OLA1: variants seen among roughly 807,000 people sequenced by gnomAD.
OLA1 encodes Obg like ATPase 1, also known as obg-like ATPase 1.
Under a neutral mutation model 48.4 loss-of-function variants are expected in OLA1, and 14 were observed. The ratio of observed to expected loss-of-function variants is 0.29; its 90% CI spans 0.19 to 0.45. OLA1 has a LOEUF of 0.45. Among genes scored for constraint, OLA1 ranks in the 20% least tolerant of loss-of-function variants. The probability of loss-of-function intolerance (pLI) is 1.00; values close to 1 mark genes in which losing one functional copy is unlikely to be tolerated. For missense variants in OLA1, 325 were observed against 467.1 expected, an observed-to-expected ratio of 0.70 and a Z score of 2.80; for synonymous variants, 127 against 150.4, an observed-to-expected ratio of 0.84 and a Z score of 1.14.
chr2:174,130,546 T>G (rs142418436), intron 5 of OLA1, among the ~76,000 whole-genome samples: 34 of 152,302 alleles, frequency 2.2e-4, no homozygotes, highest in African/African-American at 8.2e-4. Flanking sequence ...GACACCAATT[T>G]ACTTCTGAGG....
chr2:174,107,016 A>C (rs1685527632), intron 7 of OLA1, among the ~76,000 whole-genome samples: 1 of 152,082 alleles, frequency 6.6e-6, no homozygotes, highest in African/African-American at 2.4e-5. Flanking sequence ...GTATTTTCTC[A>C]CATCTGTGTC....
At chr2:174,211,986 C>T (rs1688256402) in intron 4 of OLA1, among the ~76,000 whole-genome samples, 1 of 151,822 alleles carries the variant, frequency 6.6e-6, no homozygotes, top group Non-Finnish European at 1.5e-5. Flanking sequence ...TTCCATTGGT[C>T]AGCACTGGTA....
At chr2:174,171,271 A>C (rs1275932065) in intron 4 of OLA1, among the ~76,000 whole-genome samples, 1 of 152,230 alleles carries the variant, frequency 6.6e-6, no homozygotes, top group South Asian at 2.1e-4. Flanking sequence ...AATGCTATTA[A>C]TCATCTTGAA....
At chr2:174,226,469 T>A (rs1390857859) in intron 3 of OLA1, among the ~76,000 whole-genome samples, 5 of 152,068 alleles carry the variant, frequency 3.3e-5, no homozygotes, top group Non-Finnish European at 7.4e-5. Flanking sequence ...CCAAAAACAT[T>A]TATTAATGTT....
chr2:174,219,412 A>AT (rs66550471), intron 4 of OLA1, among the ~76,000 whole-genome samples: 74,278 of 134,584 alleles, frequency 0.55, 20,642 homozygotes, highest in East Asian at 0.95. Flanking sequence ...AACTTACTCC[A>AT]TTTTATTTCC....
At chr2:174,243,475 C>G (rs1169486287) in intron 2 of OLA1, among the ~76,000 whole-genome samples, 1 of 152,122 alleles carries the variant, frequency 6.6e-6, no homozygotes, top group Non-Finnish European at 1.5e-5. Context: ...ATCCAGCCGT[C>G]AAAGGGGAAA....
intron 7 of OLA1, 126 bp downstream of exon 7, chr2:174,123,054 T>G (rs1685953199): frequency 1.7e-6 from 1 of 575,408 alleles, no homozygotes; most frequent in African/African-American, 2.0e-5. Context: ...CTCATCCATT[T>G]TAAACTTTTT....
chr2:174,217,943 A>G (rs1017319553), intron 4 of OLA1: 5 of 152,184 alleles, frequency 3.3e-5, no homozygotes, highest in Admixed American at 2.0e-4. Context: ...TCAATTAGCT[A>G]TATGTGAAGC....
intron 4 of OLA1, among the ~76,000 whole-genome samples, chr2:174,209,566 A>AT (rs145474195): frequency 0.13 from 20,444 of 152,128 alleles, 1,804 homozygotes; most frequent in Non-Finnish European, 0.2. Flanking sequence ...GCAGGGAGAG[A>AT]TTAAAAACTC....
chr2:174,225,409 G>T (rs1688593599), intron 3 of OLA1, among the ~76,000 whole-genome samples: 1 of 152,144 alleles, frequency 6.6e-6, no homozygotes, highest in Non-Finnish European at 1.5e-5. Flanking sequence ...AATTAGAAGG[G>T]TGTGGTAGCA....
chr2:174,154,199 T>C (rs1019891026), intron 4 of OLA1, among the ~76,000 whole-genome samples: 1 of 152,218 alleles, frequency 6.6e-6, no homozygotes, highest in African/African-American at 2.4e-5. Context: ...AATATTGAGA[T>C]TCTGCCCTAC....
At chr2:174,201,007 C>G (rs1409339375) in intron 4 of OLA1, among the ~76,000 whole-genome samples, 2 of 152,192 alleles carry the variant, frequency 1.3e-5, no homozygotes, top group East Asian at 3.8e-4. Flanking sequence ...AAACACCTAC[C>G]TTTAAGAACC....
At chr2:174,093,841 C>T (rs1304199340) in intron 7 of OLA1, among the ~76,000 whole-genome samples, 1 of 152,214 alleles carries the variant, frequency 6.6e-6, no homozygotes, top group African/African-American at 2.4e-5. Flanking sequence ...AACTATCTCT[C>T]TTTTCCATTT....
Position 174,185,873 on chromosome 2 carries a change from A to G in OLA1, c.373+37160T>C, listed in dbSNP as rs571344176. Among the ~76,000 whole-genome samples the G allele has an allele frequency of 2.6e-5, 4 of 152,244 alleles. 1 individual carries two copies. The highest frequency in any genetic ancestry group is 9.6e-5 in the African/African-American group (4 of 41,536). On this transcript the variant is annotated intron_variant, in intron 4 of 10. Coordinates refer to ENST00000284719, the MANE Select transcript of OLA1 (RefSeq NM_013341.5). ...CTCCAGGAGGTAGAGGTTGCAGTGA[A>G]CCAAGATCATGCCATTGCACTCCAG...
intron 4 of OLA1, among the ~76,000 whole-genome samples, chr2:174,204,104 T>C (rs1688054630): frequency 6.6e-6 from 1 of 150,920 alleles, no homozygotes; most frequent in Non-Finnish European, 1.5e-5. Flanking sequence ...GTAATTATTT[T>C]TAAAAAGCAA....
intron 4 of OLA1, among the ~76,000 whole-genome samples, chr2:174,154,804 TC>T (rs2105391246): frequency 6.6e-6 from 1 of 152,340 alleles, no homozygotes; most frequent in South Asian, 2.1e-4. Context: ...TGTGAACCAT[TC>T]ATTATTCAAG....
intron 4 of OLA1, among the ~76,000 whole-genome samples, chr2:174,155,645 T>C (rs1288646352): frequency 6.6e-6 from 1 of 152,174 alleles, no homozygotes; most frequent in Non-Finnish European, 1.5e-5. Context: ...CATATTTTAG[T>C]AAATACAAAC....
chr2:174,118,567 AT>A (rs1050062950), intron 7 of OLA1, among the ~76,000 whole-genome samples: 1 of 152,176 alleles, frequency 6.6e-6, no homozygotes, highest in African/African-American at 2.4e-5. Flanking sequence ...GGAACACTTA[AT>A]TTTTTAAAAA....
At chr2:174,112,799 T>C (rs938741014) in intron 7 of OLA1, among the ~76,000 whole-genome samples, 3 of 152,208 alleles carry the variant, frequency 2.0e-5, no homozygotes, top group African/African-American at 7.2e-5. Flanking sequence ...TCCAGAACCA[T>C]GAACCAAATA....
Sources: allele counts gnomAD v4.1 joint callset (sites outside exome capture counted in the v4.1 genomes callset), GRCh38; gene constraint gnomAD v4.1.1; transcripts MANE v1.5; gene names NCBI Gene and HGNC (gene_info 2026-07-23, HGNC 2026-07-21).